Variants in TDRD6 observed in about 807,000 individuals in gnomAD.
The protein encoded by TDRD6 is tudor domain containing 6.
Under a neutral mutation model 157.5 loss-of-function variants are expected in TDRD6, and 186 were observed. That is an observed-to-expected ratio of 1.18 (90% confidence interval 1.05 to 1.33). The LOEUF (loss-of-function observed/expected upper bound fraction) is 1.33, where lower values mean the gene tolerates loss of function less well. TDRD6 is among the 40% of genes most tolerant of loss of function. The pLI is 0.00. For missense variants in TDRD6, 3,066 were observed against 2,508.0 expected (o/e 1.22, Z -4.75); for synonymous variants, 1,075 against 945.2 (o/e 1.14, Z -2.52).
chr6:46,698,394 A>G lies in TDRD6; in HGVS notation c.6261+307A>G, dbSNP rs1192741546. Among the ~76,000 whole-genome samples the G allele has an allele frequency of 2.0e-5, 3 of 152,224 alleles. No homozygotes were observed. The East Asian group carries it at 5.8e-4, about 29-fold the overall frequency. ...CAATATTAAAAATGAGAAAGTAACA[A>G]TCACCGATAATATACCCATCCAGAG... is the stretch of plus-strand genomic sequence containing the variant. On this transcript the variant is annotated intron_variant, in intron 3 of 3. Coordinates refer to ENST00000316081, the MANE Select transcript of TDRD6 (RefSeq NM_001010870.3).
chr6:46,687,560 T>A (rs1212809868), upstream of TDRD6: 1 of 152,244 alleles, frequency 6.6e-6, no homozygotes, highest in Admixed American at 6.5e-5. Context: ...CATTGGCTCC[T>A]GCGTTTCTCG....
intron 1 of TDRD6, among the ~76,000 whole-genome samples, chr6:46,694,568 TG>T (rs1290678964): frequency 1.3e-5 from 2 of 152,248 alleles, no homozygotes; most frequent in Non-Finnish European, 2.9e-5. Context: ...AATAATTTTT[TG>T]TAAGAGATTA....
In TDRD6 at chr6:46,693,474, C is replaced by A. The variant is rs754475780; in HGVS notation, c.5346C>A (p.Asn1782Lys). Residue 1782 changes from asparagine to lysine, a missense_variant, in exon 1 of 4, where the codon AAC (asparagine) becomes AAA (lysine). Transcript: ENST00000316081. ...ATAACATTTGTGAAGGGTTTGAAAACCCCTGCAAAGATAAAATTGATACTG... is the reference window on the plus strand; with the variant it reads ...ATAACATTTGTGAAGGGTTTGAAAAACCCTGCAAAGATAAAATTGATACTG... Reference protein sequence around the residue: ...KTDNICEGFENPCKDKIDTEE... With the variant: ...KTDNICEGFEKPCKDKIDTEE... 2 of 1,613,916 alleles carry A rather than the reference C, an allele frequency of 1.2e-6. No homozygotes were observed. Among genetic ancestry groups the A allele is most frequent in the Non-Finnish European group, 1.7e-6 (2 of 1,179,986 alleles).
intron 3 of TDRD6, among the ~76,000 whole-genome samples, 163 bp downstream of exon 3, chr6:46,698,250 T>G (rs769597658): frequency 1.3e-5 from 2 of 152,232 alleles, no homozygotes; most frequent in Non-Finnish European, 2.9e-5. Flanking sequence ...TTAGTCCTTA[T>G]GCCAAGTATT....
At chr6:46,699,958 A>G (rs1255468489) in intron 3 of TDRD6, among the ~76,000 whole-genome samples, 1 of 152,192 alleles carries the variant, frequency 6.6e-6, no homozygotes, top group Non-Finnish European at 1.5e-5. Context: ...TTGGATATTT[A>G]GGTCATTTGA....
rs755271363 is a variant in TDRD6, at chr6:46,688,714, C to T, written c.586C>T (p.Leu196=). The T allele has an allele frequency of 6.2e-6, 10 of 1,601,190 alleles. No homozygotes were observed. Among genetic ancestry groups the T allele is most frequent in the Non-Finnish European group, 7.6e-6 (9 of 1,179,524 alleles). The change falls in exon 1 of 4, where the codon CTG becomes TTG. Residue 196 remains leucine (L), a synonymous_variant. Coordinates refer to ENST00000316081, the MANE Select transcript of TDRD6 (RefSeq NM_001010870.3). ...GTTCCAACAGATGCGGGAGCTGGGC[C>T]TGGCTCGGCGGGTGCCCGACAGCCT... ...DVFQQMRELG[L]ARRVPDSLFR... is the part of the protein sequence containing the mutation.
the TDRD6 span, among the ~76,000 whole-genome samples, chr6:46,682,783 A>T: frequency 6.6e-6 from 1 of 151,974 alleles, no homozygotes; most frequent in African/African-American, 2.4e-5. Flanking sequence ...AAATGTGTAC[A>T]AGATTTGTTC....
Position 46,693,201 on chromosome 6 carries a change from T to TA in TDRD6, c.5075dup (p.Asn1692LysfsTer2). 6.2e-7 allele frequency: 1 copy of TA among 1,610,422 alleles called. No homozygotes were observed. The highest frequency in any genetic ancestry group is 8.5e-7 in the Non-Finnish European group (1 of 1,178,958). On this transcript the variant is annotated frameshift_variant, in exon 1 of 4. Transcript: ENST00000316081. LOFTEE classifies it high-confidence loss of function. The stretch of plus-strand genomic sequence containing the variant: ...ACTTGAAAAGCAAAGGTAAAAGTAT[T>TA]AATGAGAAAATGGAGAAATATTCTA...
intron 2 of TDRD6, 88 bp from the exon 3 acceptor site, chr6:46,697,910 T>A: frequency 1.5e-6 from 1 of 646,504 alleles, no homozygotes; most frequent in Non-Finnish European, 2.6e-6. Flanking sequence ...ATAATAATAG[T>A]ATTTCATTTT....
At position 46,688,624 on chromosome 6, in the gene TDRD6, G is replaced by A. The variant is rs556295797; in HGVS notation, c.496G>A (p.Val166Met). 8 of 1,599,178 alleles carry A rather than the reference G, an allele frequency of 5.0e-6. No homozygotes were observed. In the African/African-American group the frequency reaches 1.1e-4, roughly 21 times the overall value. The change falls in exon 1 of 4, where the codon GTG becomes ATG. Residue 166 changes from valine (V) to methionine (M), a missense_variant. Val to Met is a conservative substitution (Grantham distance 21). Transcript: ENST00000316081. Reference sequence around the variant, plus strand: ...CCTTAGCAACCTTCAGGGCAAGGAGGTGCACGGGTGCGTCCTGGACGTGCT... The same window carrying A: ...CCTTAGCAACCTTCAGGGCAAGGAGATGCACGGGTGCGTCCTGGACGTGCT... ...DFLSNLQGKE[V>M]HGCVLDVLLL... is the part of the protein sequence containing the mutation.
At chr6:46,686,613 G>GA (rs1239894593), upstream of TDRD6, among the ~76,000 whole-genome samples, 5 of 151,916 alleles carry the variant, frequency 3.3e-5, no homozygotes, top group East Asian at 1.9e-4. Flanking sequence ...GAAACAATTA[G>GA]AAAAAAAATG....
the TDRD6 span, chr6:46,681,653 CTG>C: frequency 2.3e-6 from 1 of 440,084 alleles, no homozygotes; most frequent in Non-Finnish European, 4.8e-6. Flanking sequence ...AGTAAATAAA[CTG>C]TGTTATTCTG....
chr6:46,693,158 T>A lies in TDRD6; in HGVS notation c.5030T>A (p.Ile1677Asn). The A allele has an allele frequency of 6.2e-7, 1 of 1,609,420 alleles. No homozygotes were observed. Among genetic ancestry groups the A allele is most frequent in the Non-Finnish European group, 8.5e-7 (1 of 1,178,188 alleles). ...ILEIRRDVCDIPLAIVDLKSK... is the reference protein window; with the variant it reads ...ILEIRRDVCDNPLAIVDLKSK... Reference sequence around the variant, plus strand: ...GAAATCAGAAGGGATGTTTGTGATATCCCTTTAGCAATTGTTGACTTGAAA... The same window carrying A: ...GAAATCAGAAGGGATGTTTGTGATAACCCTTTAGCAATTGTTGACTTGAAA... Residue 1677 changes from isoleucine (I) to asparagine (N), a missense_variant, in exon 1 of 4, where the codon ATC becomes AAC. Coordinates refer to ENST00000316081, the MANE Select transcript of TDRD6 (RefSeq NM_001010870.3).
chr6:46,687,589 C>T (rs1764132910), upstream of TDRD6: 1 of 152,322 alleles, frequency 6.6e-6, no homozygotes, highest in Non-Finnish European at 1.5e-5. Context: ...GGGAACGCCA[C>T]TGGCTAGTAC....
rs1437111592 is a variant in TDRD6, at chr6:46,691,643, T to C, written c.3515T>C (p.Val1172Ala). 6.2e-7 allele frequency: 1 copy of C among 1,612,890 alleles called. No homozygotes were observed. The highest frequency in any genetic ancestry group is 8.5e-7 in the Non-Finnish European group (1 of 1,179,534). ...KDRIRKKESE[V>A]LCSTTETLEE... ...AGAATAAGAAAAAAAGAAAGTGAAG[T>C]CCTCTGTTCTACAACTGAAACTCTT... Residue 1172 changes from valine to alanine, a missense_variant, in exon 1 of 4, where the codon GTC becomes GCC. Val to Ala is a moderately conservative substitution (Grantham distance 64, BLOSUM62 0). Coordinates refer to ENST00000316081, the MANE Select transcript of TDRD6 (RefSeq NM_001010870.3).
Position 46,688,854 on chromosome 6 carries a change from C to A in TDRD6, c.726C>A (p.Phe242Leu), listed in dbSNP as rs146834898. 71 of 1,611,074 alleles carry A rather than the reference C, an allele frequency of 4.4e-5. No homozygotes were observed. The African/African-American group carries it at 8.3e-4, about 19-fold the overall frequency. ...AAAAGCAGCCTGGTCTGGATTACTT[C>A]TATCCCCAGCTGCAGCTGGGCGTGA... ...LKQKQPGLDYFYPQLQLGVTE... is the reference protein window; with the variant it reads ...LKQKQPGLDYLYPQLQLGVTE... Residue 242 changes from phenylalanine (F) to leucine (L), a missense_variant, in exon 1 of 4, where the codon TTC (phenylalanine) becomes TTA (leucine). Physicochemically the swap from Phe to Leu is conservative, Grantham distance 22. Transcript: ENST00000316081.
Position 46,693,938 on chromosome 6 carries a change from C to T in TDRD6, c.5810C>T (p.Thr1937Ile). 1 of 1,614,010 alleles carries T rather than the reference C, an allele frequency of 6.2e-7. No individual in the cohort carries two copies. Among genetic ancestry groups the T allele is most frequent in the Non-Finnish European group, 8.5e-7 (1 of 1,179,978 alleles). Reference protein sequence around the residue: ...VSQKAQESMCTEDMRKSSCVE... With the variant: ...VSQKAQESMCIEDMRKSSCVE... ...CAGAAAGCACAGGAATCCATGTGTA[C>T]TGAGGACATGAGAAAGTCAAGTTGT... The change falls in exon 1 of 4, where the codon ACT (threonine) becomes ATT (isoleucine). Residue 1937 changes from threonine (T) to isoleucine (I), a missense_variant. Coordinates refer to ENST00000316081, the MANE Select transcript of TDRD6 (RefSeq NM_001010870.3).
At chr6:46,697,175 A>T (rs1197918339) in intron 2 of TDRD6, among the ~76,000 whole-genome samples, 2 of 152,072 alleles carry the variant, frequency 1.3e-5, no homozygotes, top group Non-Finnish European at 2.9e-5. Flanking sequence ...TACATATACC[A>T]TCTGCTTGCT....
chr6:46,691,358 A>T lies in TDRD6; in HGVS notation c.3230A>T (p.Asp1077Val). ...FGNIYVVTSD[D>V]LLPIPSDAYD... is the part of the protein sequence containing the mutation. The stretch of plus-strand genomic sequence containing the variant: ...AATATTTATGTAGTAACAAGTGATG[A>T]TCTGCTTCCAATACCTAGTGATGCA... The change falls in exon 1 of 4, where the codon GAT (aspartate) becomes GTT (valine). Residue 1077 changes from aspartate to valine, a missense_variant. Asp to Val is a radical substitution (Grantham distance 152, BLOSUM62 -3). Transcript: ENST00000316081. The T allele has an allele frequency of 1.9e-6, 3 of 1,614,056 alleles. No individual in the cohort carries two copies. Among genetic ancestry groups the T allele is most frequent in the Non-Finnish European group, 1.7e-6 (2 of 1,179,948 alleles).
Sources: gnomAD v4.1 joint callset for allele counts (sites outside exome capture counted in the v4.1 genomes callset) on GRCh38, gnomAD v4.1.1 for gene constraint, MANE v1.5 for transcripts, NCBI Gene and HGNC (gene_info 2026-07-23, HGNC 2026-07-21) for gene names.